The following XRCC4 variants were observed in gnomAD, a reference collection of about 807,000 sequenced individuals.
XRCC4 encodes X-ray repair cross complementing 4.
Under a neutral mutation model 39.1 loss-of-function variants are expected in XRCC4, and 28 were observed. That is an observed-to-expected ratio of 0.72 (90% CI 0.53 to 0.98). XRCC4 has a LOEUF of 0.98. Among genes scored for constraint, XRCC4 ranks in the 50% least tolerant of loss-of-function variants. XRCC4 has a pLI of 0.00. For missense variants in XRCC4, 350 were observed against 376.4 expected, an observed-to-expected ratio of 0.93 and a Z score of 0.58; for synonymous variants, 123 against 126.4, an observed-to-expected ratio of 0.97 and a Z score of 0.18.
At chr5:83,233,446 T>C (rs1339802114) in intron 6 of XRCC4, among the ~76,000 whole-genome samples, 1 of 152,156 alleles carries the variant, frequency 6.6e-6, no homozygotes, top group Non-Finnish European at 1.5e-5. Context: ...ATATCACTTT[T>C]GAAGACTTAG....
intron 7 of XRCC4, among the ~76,000 whole-genome samples, chr5:83,276,494 T>A (rs543211689): frequency 7.3e-6 from 1 of 137,640 alleles, no homozygotes; most frequent in South Asian, 2.3e-4. Context: ...ATGAGGCTGA[T>A]GGCTTTATAT....
chr5:83,306,507 TCCC>T (rs1755492783), intron 7 of XRCC4, among the ~76,000 whole-genome samples: 1 of 23,180 alleles, frequency 4.3e-5, no homozygotes, highest in African/African-American at 4.8e-4. Flanking sequence ...TGTATACTTT[TCCC>T]AAGAATGACT....
chr5:83,172,811 T>C (rs554117459), intron 3 of XRCC4, among the ~76,000 whole-genome samples: 1 of 152,172 alleles, frequency 6.6e-6, no homozygotes, highest in Non-Finnish European at 1.5e-5. Flanking sequence ...AAAATTTGCA[T>C]CATTGCTCTC....
At chr5:83,151,813 A>G (rs1042024338) in intron 3 of XRCC4, among the ~76,000 whole-genome samples, 2 of 152,336 alleles carry the variant, frequency 1.3e-5, no homozygotes, top group Non-Finnish European at 1.5e-5. Flanking sequence ...ATATAGTAAC[A>G]TTAACCAAAT....
the XRCC4 span, among the ~76,000 whole-genome samples, chr5:83,371,095 GC>G: frequency 2.6e-5 from 4 of 152,064 alleles, no homozygotes; most frequent in African/African-American, 9.7e-5. Flanking sequence ...CAGCTCTTGT[GC>G]TTTTTCTTTG....
chr5:83,269,199 GCATTA>G (rs1251808435), intron 7 of XRCC4, among the ~76,000 whole-genome samples: 1 of 151,974 alleles, frequency 6.6e-6, no homozygotes, highest in Non-Finnish European at 1.5e-5. Context: ...TGAAAATTTG[GCATTA>G]CATATTATCC....
At chr5:83,337,274 CA>C (rs1260227779) in intron 7 of XRCC4, among the ~76,000 whole-genome samples, 1 of 152,112 alleles carries the variant, frequency 6.6e-6, no homozygotes. Flanking sequence ...AAGTTACTTA[CA>C]ATATAAGTAA....
intron 1 of XRCC4, among the ~76,000 whole-genome samples, chr5:83,093,793 T>C (rs1361551696): frequency 3.3e-5 from 5 of 152,182 alleles, no homozygotes; most frequent in Non-Finnish European, 7.4e-5. Flanking sequence ...CCAAAATTTA[T>C]GGGATGTTGT....
intron 7 of XRCC4, among the ~76,000 whole-genome samples, chr5:83,306,070 ACTG>A (rs934654147): frequency 1.3e-5 from 2 of 152,190 alleles, no homozygotes; most frequent in African/African-American, 4.8e-5. Flanking sequence ...TTTAAAAAAT[ACTG>A]TTAACTATAC....
chr5:83,315,402 G>A (rs1407292501), intron 7 of XRCC4, among the ~76,000 whole-genome samples: 1 of 152,140 alleles, frequency 6.6e-6, no homozygotes, highest in Middle Eastern at 3.2e-3. Context: ...AGATCTAGCT[G>A]AGATAATTGA....
chr5:83,268,382 G>A lies in XRCC4; in HGVS notation c.893+9705G>A, dbSNP rs538605688. ...TGGGGATTGACTTCTCAAAAGACTG[G>A]AAAAGCTCCCTTTTCCATGCTGCTA... On this transcript the variant is annotated intron_variant, in intron 7 of 7. Coordinates refer to ENST00000396027, the MANE Select transcript of XRCC4 (RefSeq NM_003401.5). 2.0e-5 allele frequency among the ~76,000 whole-genome samples: 3 copies of A among 152,174 alleles called. No individual in the cohort carries two copies. In the South Asian group the frequency reaches 6.2e-4, roughly 32 times the overall value.
intron 6 of XRCC4, among the ~76,000 whole-genome samples, chr5:83,218,097 C>G (rs1751937321): frequency 7.0e-6 from 1 of 142,444 alleles, no homozygotes; most frequent in Admixed American, 6.9e-5. Context: ...ATTTTAAGTT[C>G]TAGGGTACAT....
At chr5:83,280,534 T>G (rs1754500532) in intron 7 of XRCC4, 1 of 643,278 alleles carries the variant, frequency 1.6e-6, no homozygotes, top group African/African-American at 1.9e-5. Context: ...ATATCTGACA[T>G]TCTGCACAGG....
chr5:83,216,899 C>T (rs1301235516), intron 6 of XRCC4, among the ~76,000 whole-genome samples: 2 of 151,954 alleles, frequency 1.3e-5, no homozygotes. Flanking sequence ...GATCGTTGTA[C>T]AAGTATAAAT....
intron 3 of XRCC4, among the ~76,000 whole-genome samples, chr5:83,139,969 A>G (rs1748088492): frequency 6.6e-6 from 1 of 152,186 alleles, no homozygotes; most frequent in Non-Finnish European, 1.5e-5. Context: ...CATTAGTTCA[A>G]TGTAGAGTTT....
At chr5:83,155,859 A>G (rs1748932373) in intron 3 of XRCC4, among the ~76,000 whole-genome samples, 1 of 152,112 alleles carries the variant, frequency 6.6e-6, no homozygotes, top group Admixed American at 6.6e-5. Flanking sequence ...ATTTTGTCTA[A>G]ACCTATCGTT....
At position 83,182,473 on chromosome 5, in the gene XRCC4, T is replaced by A. The variant is rs941058682; in HGVS notation, c.316-13297T>A. Among the ~76,000 whole-genome samples the A allele has an allele frequency of 4.6e-5, 7 of 152,160 alleles. No homozygotes were observed. The East Asian group carries it at 1.3e-3, about 29-fold the overall frequency. On this transcript the variant is annotated intron_variant, in intron 3 of 7. Transcript: ENST00000396027. ...AACTAACTGTCACCAAAAATCTTTA[T>A]ATAAAATTAACACAGGGAAAAGGAA...
intron 3 of XRCC4, among the ~76,000 whole-genome samples, chr5:83,189,855 A>C (rs1750615958): frequency 6.6e-6 from 1 of 152,158 alleles, no homozygotes; most frequent in South Asian, 2.1e-4. Flanking sequence ...AATTTAGGTC[A>C]GGAGTTCGAG....
intron 6 of XRCC4, among the ~76,000 whole-genome samples, chr5:83,206,288 T>C (rs1751419102): frequency 6.6e-6 from 1 of 152,096 alleles, no homozygotes; most frequent in Non-Finnish European, 1.5e-5. Context: ...GAGGCTGGCT[T>C]AGACCAGAGT....
Sources: gnomAD v4.1 joint callset for allele counts (sites outside exome capture counted in the v4.1 genomes callset) on GRCh38, gnomAD v4.1.1 for gene constraint, MANE v1.5 for transcripts, NCBI Gene and HGNC (gene_info 2026-07-23, HGNC 2026-07-21) for gene names.